FCMR: variants seen among roughly 807,000 people sequenced by gnomAD.
The protein encoded by FCMR is immunoglobulin mu Fc receptor.
FCMR carries 34 observed loss-of-function variants against 41.6 expected under a neutral mutation model. That is an observed-to-expected ratio of 0.82 (90% CI 0.62 to 1.09). The LOEUF (loss-of-function observed/expected upper bound fraction) is 1.09. Ranked by LOEUF, FCMR falls within the 50% of genes least tolerant of loss-of-function variation. The probability of loss-of-function intolerance (pLI) is 0.00; values close to 1 mark genes in which losing one functional copy is unlikely to be tolerated. For synonymous variants in FCMR, 209 were observed against 211.8 expected (o/e 0.99, Z 0.12); for missense variants, 496 against 512.5 (o/e 0.97, Z 0.31).
chr1:206,913,157 C>T lies in FCMR; in HGVS notation c.374-115G>A, dbSNP rs1679019407. The T allele has an allele frequency of 5.1e-6, 4 of 787,734 alleles. No individual in the cohort carries two copies. In the South Asian group the frequency reaches 5.9e-5, roughly 12 times the overall value. The allele number at this position is 787,734 out of a possible 1,614,324, so 48.8% of individuals were successfully genotyped here. On this transcript the variant is annotated intron_variant, in intron 2 of 7. Coordinates refer to ENST00000367091, the MANE Select transcript of FCMR (RefSeq NM_005449.5). ...ACAGTGAGGGGATGAGGGCAGGGTC[C>T]ACTGAAAGAAGCAGAGAAGGAGCTG...
In FCMR at chr1:206,909,460, A is replaced by G; in HGVS notation, c.1044+2T>C. The G allele has an allele frequency of 7.8e-7, 1 of 1,281,114 alleles. No individual in the cohort carries two copies. The highest frequency in any genetic ancestry group is 9.9e-7 in the Non-Finnish European group (1 of 1,014,438). 79.4% of individuals were successfully genotyped at this position (1,281,114 alleles called of 1,614,324 possible). On this transcript the variant is annotated splice_donor_variant, in intron 7 of 7. Coordinates refer to ENST00000367091, the MANE Select transcript of FCMR (RefSeq NM_005449.5). LOFTEE classifies it high-confidence loss of function. This position sits in a 1 kb window ranked among gnomAD's most constrained non-coding sequence, Gnocchi z 5.0. ...GCCAATCAGGGCAGGAGCGGAGCTT[A>G]CCTGCAGCGGGGCGGGGGGCAACGG...
At chr1:206,905,994 T>A in intron 7 of FCMR, 1 of 182,984 alleles carries the variant, frequency 5.5e-6, no homozygotes. Flanking sequence ...AAAAGAAAAG[T>A]AACAGTGAGA....
At chr1:206,908,900 C>T (rs1319126243) in intron 7 of FCMR, among the ~76,000 whole-genome samples, 3 of 152,166 alleles carry the variant, frequency 2.0e-5, no homozygotes, top group East Asian at 1.9e-4. Flanking sequence ...AGTGGAAACG[C>T]GAGTTCCCTC....
chr1:206,910,959 TTATG>T, intron 4 of FCMR, among the ~76,000 whole-genome samples: 1 of 152,338 alleles, frequency 6.6e-6, no homozygotes, highest in Admixed American at 6.5e-5. Flanking sequence ...CAAGTCAGAC[TTATG>T]TTAGTAAGAT....
At chr1:206,905,185 G>A (rs745621255) in intron 7 of FCMR, 38 bp from the exon 8 acceptor site, 6 of 1,612,054 alleles carry the variant, frequency 3.7e-6, no homozygotes, top group Non-Finnish European at 5.1e-6. Flanking sequence ...GATCTGGGTA[G>A]GGTGATTTTA....
intron 1 of FCMR, among the ~76,000 whole-genome samples, chr1:206,914,684 C>T (rs1378270115): frequency 3.3e-5 from 5 of 152,034 alleles, no homozygotes; most frequent in African/African-American, 1.2e-4. Flanking sequence ...CTGCCTGCCT[C>T]GGCCTCCCAA....
In FCMR at chr1:206,903,829, ATGACATTCCCTGC is replaced by A. The variant is rs1289350298; in HGVS notation, c.*1177_*1189del. The A allele has an allele frequency of 6.6e-6, 1 of 152,134 alleles. No homozygotes were observed. Among genetic ancestry groups the A allele is most frequent in the African/African-American group, 2.4e-5 (1 of 41,354 alleles). The allele number at this position is 152,134 out of a possible 1,614,324, so 9.4% of individuals were successfully genotyped here. On this transcript the variant is annotated 3_prime_UTR_variant, in exon 8 of 8. Transcript: ENST00000367091. Reference sequence around the variant, plus strand: ...ACCTGGATGTACTATCCAATCTGTGATGACATTCCCTGCTAATAAAAGACAACATAACTCAAGT... The same window carrying A: ...ACCTGGATGTACTATCCAATCTGTGATAATAAAAGACAACATAACTCAAGT...
At chr1:206,913,571 G>C in intron 2 of FCMR, 188 bp downstream of exon 2, 1 of 604,064 alleles carries the variant, frequency 1.7e-6, no homozygotes. Context: ...CATACATGTT[G>C]GGTAGAAAAT....
chr1:206,917,120 A>G (rs1679228148), intron 1 of FCMR, among the ~76,000 whole-genome samples: 1 of 152,204 alleles, frequency 6.6e-6, no homozygotes, highest in Non-Finnish European at 1.5e-5. Flanking sequence ...ATATAAACGG[A>G]TGTAAATACA....
intron 4 of FCMR, 52 bp from the exon 5 acceptor site, chr1:206,910,392 AGGT>A (rs760236059): frequency 7.0e-7 from 1 of 1,424,398 alleles, no homozygotes; most frequent in Non-Finnish European, 9.3e-7. Flanking sequence ...TAAAGGAGGT[AGGT>A]TGAGGGCTTG....
At chr1:206,919,263 G>A (rs1389607837) in intron 1 of FCMR, among the ~76,000 whole-genome samples, 1 of 152,140 alleles carries the variant, frequency 6.6e-6, no homozygotes, top group Admixed American at 6.5e-5. Flanking sequence ...CATTGAAAGG[G>A]GGCCCAGAGT....
chr1:206,920,526 A>T (rs1322858043), intron 1 of FCMR, among the ~76,000 whole-genome samples: 1 of 151,380 alleles, frequency 6.6e-6, no homozygotes, highest in Non-Finnish European at 1.5e-5. Context: ...GGGCAAAGAC[A>T]TGGTGGCAGG....
Position 206,910,257 on chromosome 1 carries a change from A to T in FCMR, c.794T>A (p.Leu265Gln). Residue 265 changes from leucine (L) to glutamine (Q), a missense_variant, in exon 5 of 8, where the codon CTG becomes CAG. Physicochemically the swap from Leu to Gln is moderately radical, Grantham distance 113. Transcript: ENST00000367091. The part of the protein sequence containing the change: ...LIPTILGLFL[L>Q]ALLGLVVKRA... ...TTTCACCACCAGCCCCAGAAGTGCCAGCAGGAAAAGGCCCAGGATGGTCGG... is the reference window on the plus strand; with the variant it reads ...TTTCACCACCAGCCCCAGAAGTGCCTGCAGGAAAAGGCCCAGGATGGTCGG... The T allele has an allele frequency of 6.3e-7, 1 of 1,591,790 alleles. No homozygotes were observed. Among genetic ancestry groups the T allele is most frequent in the Non-Finnish European group, 8.6e-7 (1 of 1,169,548 alleles).
At chr1:206,915,891 G>A (rs1364819677) in intron 1 of FCMR, among the ~76,000 whole-genome samples, 1 of 152,000 alleles carries the variant, frequency 6.6e-6, no homozygotes, top group Non-Finnish European at 1.5e-5. Context: ...GCTTAGGAAA[G>A]AGGTGGGGCT....
chr1:206,912,980 A>G lies in FCMR; in HGVS notation c.436T>C (p.Tyr146His). 1.9e-6 allele frequency: 3 copies of G among 1,613,926 alleles called. No individual in the cohort carries two copies. Among genetic ancestry groups the G allele is most frequent in the Non-Finnish European group, 8.5e-7 (1 of 1,179,750 alleles). ...PETPKWFHLPYLFQMPAYASS... is the reference protein window; with the variant it reads ...PETPKWFHLPHLFQMPAYASS... ...GCATATGCAGGCATCTGGAACAAAT[A>G]GGGCAGATGAAACCATTTTGGAGTC... Residue 146 changes from tyrosine to histidine, a missense_variant, in exon 3 of 8, where the codon TAT (tyrosine) becomes CAT (histidine). Physicochemically the swap from Tyr to His is moderately conservative, Grantham distance 83 (BLOSUM62 2). Coordinates refer to ENST00000367091, the MANE Select transcript of FCMR (RefSeq NM_005449.5).
chr1:206,915,074 A>C (rs1170484834), intron 1 of FCMR, among the ~76,000 whole-genome samples: 1 of 152,356 alleles, frequency 6.6e-6, no homozygotes, highest in East Asian at 1.9e-4. Flanking sequence ...AGGCGCATCC[A>C]TCTAGCCATT....
intron 7 of FCMR, among the ~76,000 whole-genome samples, chr1:206,905,356 T>G (rs1358151231): frequency 1.3e-5 from 2 of 152,152 alleles, no homozygotes; most frequent in Non-Finnish European, 2.9e-5. Flanking sequence ...AAACCTAATG[T>G]GGGCAGGAAA....
At chr1:206,922,890 G>GCCT (rs1331047112), upstream of FCMR, among the ~76,000 whole-genome samples, 3 of 152,204 alleles carry the variant, frequency 2.0e-5, no homozygotes, top group South Asian at 4.1e-4. Flanking sequence ...ATTTCCCTGG[G>GCCT]CCTCGGTTTT....
At chr1:206,907,102 G>A (rs1678690568) in intron 7 of FCMR, among the ~76,000 whole-genome samples, 2 of 44,358 alleles carry the variant, frequency 4.5e-5, no homozygotes, top group African/African-American at 3.1e-4. Flanking sequence ...GGGTGGGGGG[G>A]TGGGGGGGGG....
Sources: gnomAD v4.1 joint callset for allele counts (sites outside exome capture counted in the v4.1 genomes callset) on GRCh38, gnomAD v4.1.1 for gene constraint, Gnocchi (gnomAD v3.1) non-coding constraint, MANE v1.5 for transcripts, NCBI Gene and HGNC (gene_info 2026-07-23, HGNC 2026-07-21) for gene names.